Variants in TMED8 observed in about 807,000 individuals in gnomAD.
TMED8 encodes protein TMED8.
TMED8 carries 15 observed loss-of-function variants against 32.7 expected under a neutral mutation model. The ratio of observed to expected loss-of-function variants is 0.46; its 90% CI spans 0.31 to 0.71. The LOEUF (loss-of-function observed/expected upper bound fraction) is 0.71, where lower values mean the gene tolerates loss of function less well. Among genes scored for constraint, TMED8 ranks in the 30% least tolerant of loss-of-function variants. The probability of loss-of-function intolerance (pLI) is 0.06; values close to 1 mark genes in which losing one functional copy is unlikely to be tolerated. For synonymous variants in TMED8, 147 were observed against 161.4 expected (o/e 0.91, Z 0.68); for missense variants, 390 against 423.9 (o/e 0.92, Z 0.70).
rs376863390 is a variant in TMED8, at chr14:77,374,301, G to A, written c.118+2635C>T. Among the ~76,000 whole-genome samples the A allele has an allele frequency of 5.3e-5, 8 of 152,298 alleles. No homozygotes were observed. The East Asian group carries it at 1.5e-3, about 29-fold the overall frequency. ...GTTTACGCCCAAGCCTCTGGTCCAG[G>A]CCAAATATAGTATTTCCACACTGCT... On this transcript the variant is annotated intron_variant, in intron 1 of 5. Coordinates refer to ENST00000216468, the MANE Select transcript of TMED8 (RefSeq NM_213601.3).
At position 77,341,862 on chromosome 14, in the gene TMED8, G is replaced by A; in HGVS notation, c.887C>T (p.Pro296Leu). 1 of 1,613,998 alleles carries A rather than the reference G, an allele frequency of 6.2e-7. No individual in the cohort carries two copies. Among genetic ancestry groups the A allele is most frequent in the South Asian group, 1.1e-5 (1 of 91,064 alleles). Residue 296 changes from proline to leucine, a missense_variant, in exon 6 of 6, where the codon CCT becomes CTT. Physicochemically the swap from Pro to Leu is moderately conservative, Grantham distance 98 (BLOSUM62 -3). Coordinates refer to ENST00000216468, the MANE Select transcript of TMED8 (RefSeq NM_213601.3). ...CTTGAGCAGGTAGATGCCCTCACCA[G>A]GGTAGTCATGGCTGCCAGCCTGCAC... Reference protein sequence around the residue: ...RDVQAGSHDYPGEGIYLLKFD... With the variant: ...RDVQAGSHDYLGEGIYLLKFD...
intron 1 of TMED8, among the ~76,000 whole-genome samples, chr14:77,358,652 G>A (rs150635138): frequency 7.9e-5 from 12 of 152,108 alleles, no homozygotes; most frequent in African/African-American, 2.7e-4. Flanking sequence ...TTTCGGTCTT[G>A]TTGTGGAAAA....
chr14:77,356,250 T>C (rs1893290208), intron 1 of TMED8, among the ~76,000 whole-genome samples: 1 of 152,204 alleles, frequency 6.6e-6, no homozygotes, highest in Non-Finnish European at 1.5e-5. Context: ...CCTGCATACC[T>C]ACTAACTAGG....
intron 1 of TMED8, among the ~76,000 whole-genome samples, chr14:77,375,199 G>A (rs1893783955): frequency 6.6e-6 from 1 of 151,936 alleles, no homozygotes. Flanking sequence ...CTTGCTCTGG[G>A]CTACTATAAT....
chr14:77,348,384 A>G (rs1424742133), intron 2 of TMED8, among the ~76,000 whole-genome samples: 1 of 151,898 alleles, frequency 6.6e-6, no homozygotes, highest in Non-Finnish European at 1.5e-5. Context: ...CACCACACCC[A>G]GCTAATTTTT....
At chr14:77,369,819 T>C (rs1346042268) in intron 1 of TMED8, among the ~76,000 whole-genome samples, 2 of 152,222 alleles carry the variant, frequency 1.3e-5, no homozygotes, top group Non-Finnish European at 2.9e-5. Context: ...GAAATCCATA[T>C]TGCCTATTTA....
intron 1 of TMED8, 41 bp from the exon 2 acceptor site, chr14:77,351,792 G>T (rs1242279949): frequency 2.0e-6 from 3 of 1,516,022 alleles, no homozygotes; most frequent in African/African-American, 2.8e-5. Context: ...ATCTGAGAGG[G>T]AATACAATCA....
At chr14:77,343,617 C>G in intron 4 of TMED8, 80 bp downstream of exon 4, 1 of 1,590,210 alleles carries the variant, frequency 6.3e-7, no homozygotes, top group Non-Finnish European at 8.6e-7. Context: ...CATTTTCTTT[C>G]CTTCCATTTG....
chr14:77,346,832 A>G (rs1246328964), intron 2 of TMED8, among the ~76,000 whole-genome samples: 1 of 132,264 alleles, frequency 7.6e-6, no homozygotes, highest in Non-Finnish European at 1.5e-5. Context: ...CAAAGTGTAT[A>G]TATTTATGGT....
chr14:77,359,866 C>A, intron 1 of TMED8: 1 of 178,200 alleles, frequency 5.6e-6, no homozygotes, highest in Non-Finnish European at 1.2e-5. Flanking sequence ...TTCTCAGCAG[C>A]TCTTTGGCTT....
rs1171880045 is a variant in TMED8, at chr14:77,339,810, C to T, written c.*1961G>A. On this transcript the variant is annotated 3_prime_UTR_variant, in exon 6 of 6. Transcript: ENST00000216468. Reference sequence around the variant, plus strand: ...TGATGCTGCTCAGAGAATGGGAATGCTCTGGCAGTCCCCAACATCCTATCC... The same window carrying T: ...TGATGCTGCTCAGAGAATGGGAATGTTCTGGCAGTCCCCAACATCCTATCC... The T allele has an allele frequency of 6.6e-6, 1 of 152,202 alleles. No individual in the cohort carries two copies. Among genetic ancestry groups the T allele is most frequent in the Non-Finnish European group, 1.5e-5 (1 of 68,034 alleles). The allele number at this position is 152,202 out of a possible 1,614,324, so 9.4% of individuals were successfully genotyped here. A position where few individuals can be genotyped will look rare whatever the true frequency, so the allele number is the denominator to read the frequency against.
intron 1 of TMED8, among the ~76,000 whole-genome samples, chr14:77,363,601 C>A (rs576025957): frequency 6.6e-6 from 1 of 152,122 alleles, no homozygotes; most frequent in African/African-American, 2.4e-5. Context: ...CTGCAGTGAG[C>A]CATAATCATG....
At chr14:77,351,083 T>C (rs1893163882) in intron 2 of TMED8, among the ~76,000 whole-genome samples, 1 of 152,188 alleles carries the variant, frequency 6.6e-6, no homozygotes, top group Admixed American at 6.5e-5. Flanking sequence ...AGATAGAAAG[T>C]TGTGCCGTTT....
intron 1 of TMED8, among the ~76,000 whole-genome samples, chr14:77,374,424 T>C (rs1393564845): frequency 2.0e-5 from 3 of 152,236 alleles, no homozygotes; most frequent in Non-Finnish European, 4.4e-5. Context: ...GCCCTGTGCC[T>C]TGCAGGATGT....
At chr14:77,343,568 C>T in intron 4 of TMED8, 85 bp from the exon 5 acceptor site, 1 of 1,579,206 alleles carries the variant, frequency 6.3e-7, no homozygotes, top group Non-Finnish European at 8.6e-7. Flanking sequence ...CTGGCACAGT[C>T]AGACATTCTT....
chr14:77,357,826 A>G (rs1357802569), intron 1 of TMED8, among the ~76,000 whole-genome samples: 2 of 152,298 alleles, frequency 1.3e-5, no homozygotes, highest in East Asian at 3.9e-4. Context: ...CTTTTTCATT[A>G]GAAATTGTCT....
intron 2 of TMED8, among the ~76,000 whole-genome samples, chr14:77,350,865 A>T (rs1192924190): frequency 2.0e-5 from 3 of 152,232 alleles, no homozygotes; most frequent in Non-Finnish European, 4.4e-5. Context: ...CACCCACATA[A>T]ATTTAATATT....
Position 77,341,789 on chromosome 14 carries a change from G to T in TMED8, c.960C>A (p.His320Gln). The change falls in exon 6 of 6, where the codon CAC (histidine) becomes CAA (glutamine). Residue 320 changes from histidine to glutamine, a missense_variant. His to Gln is a conservative substitution (Grantham distance 24). Coordinates refer to ENST00000216468, the MANE Select transcript of TMED8 (RefSeq NM_213601.3). ...SLLRNKTLYFHIYYTS is the reference protein window; with the variant it reads ...SLLRNKTLYFQIYYTS ...CAGTCCTTCAGCTGGTGTAGTAGATGTGGAAGTAGAGAGTCTTGTTGCGCA... is the reference window on the plus strand; with the variant it reads ...CAGTCCTTCAGCTGGTGTAGTAGATTTGGAAGTAGAGAGTCTTGTTGCGCA... 1 of 1,614,186 alleles carries T rather than the reference G, an allele frequency of 6.2e-7. No homozygotes were observed. Among genetic ancestry groups the T allele is most frequent in the East Asian group, 2.2e-5 (1 of 44,874 alleles).
intron 1 of TMED8, among the ~76,000 whole-genome samples, chr14:77,359,210 A>G (rs775365180): frequency 3.9e-5 from 6 of 152,164 alleles, no homozygotes; most frequent in Non-Finnish European, 5.9e-5. Context: ...GCGCCCAGCT[A>G]CAACTTGTTT....
Sources: allele counts gnomAD v4.1 joint callset (sites outside exome capture counted in the v4.1 genomes callset), GRCh38; gene constraint gnomAD v4.1.1; transcripts MANE v1.5; gene names NCBI Gene and HGNC (gene_info 2026-07-23, HGNC 2026-07-21).